Variants in ZMYND8 observed in about 807,000 individuals in gnomAD.
The protein encoded by ZMYND8 is MYND-type zinc finger-containing chromatin reader ZMYND8.
ZMYND8 carries 37 observed loss-of-function variants against 140.8 expected under a neutral mutation model. The ratio of observed to expected loss-of-function variants is 0.26; its 90% CI spans 0.20 to 0.35. The LOEUF (loss-of-function observed/expected upper bound fraction) is 0.35. Ranked by LOEUF, ZMYND8 falls within the 10% of genes least tolerant of loss-of-function variation. ZMYND8 has a pLI of 1.00. For synonymous variants in ZMYND8, 592 were observed against 597.1 expected, an observed-to-expected ratio of 0.99 and a Z score of 0.12; for missense variants, 1,068 against 1,570.0, an observed-to-expected ratio of 0.68 and a Z score of 5.40.
rs41321046 is a variant in ZMYND8, at chr20:47,352,549, C to T, written c.14+4108G>A. The T allele has an allele frequency of 7.5e-5, 74 of 985,488 alleles. 2 individuals are homozygous for T. The East Asian group carries it at 5.6e-3, about 74-fold the overall frequency. 61.0% of individuals were successfully genotyped at this position (985,488 alleles called of 1,614,324 possible). ...CAATGGGTTTTGCAAAACCCGCTTT[C>T]AGAGGCCGAACTAACAGCCTGAGTG... On this transcript the variant is annotated intron_variant, in intron 1 of 22. Coordinates refer to ENST00000471951, the MANE Select transcript of ZMYND8 (RefSeq NM_001281775.3).
chr20:47,255,738 A>ACGG (rs1428562294), intron 12 of ZMYND8, among the ~76,000 whole-genome samples: 2 of 31,696 alleles, frequency 6.3e-5, no homozygotes, highest in African/African-American at 1.6e-4. Flanking sequence ...ATATATATAT[A>ACGG]TATATATATA....
At chr20:47,300,911 T>A (rs1230454369) in intron 3 of ZMYND8, among the ~76,000 whole-genome samples, 30 of 149,314 alleles carry the variant, frequency 2.0e-4, no homozygotes, top group African/African-American at 7.4e-4. Context: ...TGTGTGTGTG[T>A]GTGTGTGTGT....
intron 14 of ZMYND8, among the ~76,000 whole-genome samples, chr20:47,241,659 T>G (rs868698556): frequency 6.6e-6 from 1 of 152,126 alleles, no homozygotes; most frequent in African/African-American, 2.4e-5. Flanking sequence ...CAGTTATGGA[T>G]GCACAGGCCT....
chr20:47,227,358 C>G, intron 17 of ZMYND8, 77 bp from the exon 18 acceptor site: 1 of 1,412,374 alleles, frequency 7.1e-7, no homozygotes, highest in South Asian at 1.2e-5. Context: ...TCAACCACGG[C>G]TGGCTGTGAG....
chr20:47,224,706 G>A (rs2037440753), intron 18 of ZMYND8, 150 bp from the exon 19 acceptor site: 2 of 1,369,378 alleles, frequency 1.5e-6, no homozygotes, highest in African/African-American at 1.4e-5. Context: ...CCTAGCCCGA[G>A]TCTTCATCTG....
chr20:47,215,356 G>C (rs1026739875), intron 21 of ZMYND8, among the ~76,000 whole-genome samples: 4 of 152,100 alleles, frequency 2.6e-5, no homozygotes, highest in African/African-American at 9.7e-5. Flanking sequence ...CTGGGCAACA[G>C]TGCAAGACTC....
chr20:47,211,117 C>A (rs958261935), intron 22 of ZMYND8, among the ~76,000 whole-genome samples: 12 of 152,202 alleles, frequency 7.9e-5, no homozygotes, highest in African/African-American at 2.9e-4. Context: ...GTTGAAAAAA[C>A]GGTAGGGTGT....
At chr20:47,217,870 T>TCGCCC (rs2036348814) in intron 21 of ZMYND8, among the ~76,000 whole-genome samples, 1 of 147,302 alleles carries the variant, frequency 6.8e-6, no homozygotes, top group African/African-American at 2.5e-5. Flanking sequence ...CTCCCCCTGC[T>TCGCCC]CGCCCCCCTC....
At chr20:47,236,725 T>C (rs1236042649) in intron 15 of ZMYND8, among the ~76,000 whole-genome samples, 1 of 152,162 alleles carries the variant, frequency 6.6e-6, no homozygotes, top group African/African-American at 2.4e-5. Flanking sequence ...ATTGACAGTT[T>C]CTAAGAGCTC....
intron 8 of ZMYND8, 144 bp downstream of exon 8, chr20:47,287,085 C>A: frequency 3.1e-6 from 2 of 655,594 alleles, no homozygotes; most frequent in Non-Finnish European, 5.5e-6. Flanking sequence ...GTTCTTTTTA[C>A]TTTCCTTGAA....
chr20:47,230,854 C>T (rs948255847), intron 16 of ZMYND8, among the ~76,000 whole-genome samples: 2 of 152,126 alleles, frequency 1.3e-5, no homozygotes, highest in East Asian at 1.9e-4. Flanking sequence ...TCCCATCCCC[C>T]GCTCCCCCAG....
rs1468315895 is a variant in ZMYND8, at chr20:47,212,629, G to C, written c.3568+13C>G. The stretch of plus-strand genomic sequence containing the variant: ...AAGCCCCGGCAGCTTTCGTAAGACA[G>C]GTTCATACTTACACTTCTGGGCGGG... On this transcript the variant is annotated intron_variant, in intron 22 of 22. Coordinates refer to ENST00000471951, the MANE Select transcript of ZMYND8 (RefSeq NM_001281775.3). The C allele has an allele frequency of 1.1e-5, 17 of 1,613,560 alleles. No homozygotes were observed. The highest frequency in any genetic ancestry group is 1.4e-5 in the Non-Finnish European group (17 of 1,179,712).
chr20:47,287,100 A>G, intron 8 of ZMYND8, 129 bp downstream of exon 8: 1 of 723,898 alleles, frequency 1.4e-6, no homozygotes, highest in Non-Finnish European at 2.5e-6. Context: ...CTTGAAGAGT[A>G]GGGGTGTGGC....
chr20:47,242,274 T>C (rs1601176620), intron 14 of ZMYND8, among the ~76,000 whole-genome samples: 2 of 152,040 alleles, frequency 1.3e-5, no homozygotes, highest in South Asian at 4.2e-4. Flanking sequence ...TCGATGGTTA[T>C]CGAGATGTTG....
At chr20:47,259,115 C>T (rs1233302596) in intron 12 of ZMYND8, among the ~76,000 whole-genome samples, 4 of 152,020 alleles carry the variant, frequency 2.6e-5, no homozygotes, top group Non-Finnish European at 1.5e-5. Flanking sequence ...CAATGACCAC[C>T]CAGTTTCAGC....
intron 1 of ZMYND8, among the ~76,000 whole-genome samples, chr20:47,350,529 C>T (rs140008902): frequency 4.4e-4 from 67 of 151,234 alleles, no homozygotes; most frequent in African/African-American, 1.3e-3. Context: ...ATGAATATTA[C>T]ATCAAAAGTA....
chr20:47,269,858 G>C (rs910681192), intron 11 of ZMYND8, among the ~76,000 whole-genome samples: 1 of 152,226 alleles, frequency 6.6e-6, no homozygotes, highest in African/African-American at 2.4e-5. Context: ...CAGATGAGCA[G>C]AGCATGGCCA....
intron 15 of ZMYND8, among the ~76,000 whole-genome samples, chr20:47,237,048 T>G (rs2039328734): frequency 6.6e-6 from 1 of 152,228 alleles, no homozygotes; most frequent in African/African-American, 2.4e-5. Context: ...TTGCCCCTAT[T>G]ACAGTAGCAT....
At chr20:47,247,138 G>A (rs2040656313) in intron 13 of ZMYND8, among the ~76,000 whole-genome samples, 1 of 152,222 alleles carries the variant, frequency 6.6e-6, no homozygotes, top group African/African-American at 2.4e-5. Flanking sequence ...TTGGCCCACA[G>A]GGTATCTTGT....
Sources: allele counts gnomAD v4.1 joint callset (sites outside exome capture counted in the v4.1 genomes callset), GRCh38; gene constraint gnomAD v4.1.1; transcripts MANE v1.5; gene names NCBI Gene and HGNC (gene_info 2026-07-23, HGNC 2026-07-21).